TBC1D12: variants seen among roughly 807,000 people sequenced by gnomAD.
TBC1D12 encodes TBC1 domain family member 12.
In TBC1D12, 56 loss-of-function variants were observed where a neutral mutation model predicts 86.7. That is an observed-to-expected ratio of 0.65 (90% CI 0.52 to 0.81). TBC1D12 has a LOEUF of 0.81. Ranked by LOEUF, TBC1D12 falls within the 30% of genes least tolerant of loss-of-function variation. The pLI is 0.00. For missense variants in TBC1D12, 1,023 were observed against 1,038.8 expected, an observed-to-expected ratio of 0.98 and a Z score of 0.21; for synonymous variants, 421 against 411.7, an observed-to-expected ratio of 1.02 and a Z score of -0.27.
Position 94,442,010 on chromosome 10 carries a change from C to A in TBC1D12, c.1086C>A (p.Ile362=). Residue 362 remains isoleucine, a synonymous_variant, in exon 2 of 13, where the codon ATC becomes ATA. Transcript: ENST00000225235. The part of the protein sequence containing the change: ...PRENLQKTSK[I]IQQEYEARTG... Reference sequence around the variant, plus strand: ...AGAATCTTCAGAAAACATCCAAAATCATTCAGCAGGTAAGTACTGACATAG... The same window carrying A: ...AGAATCTTCAGAAAACATCCAAAATAATTCAGCAGGTAAGTACTGACATAG... 6.2e-7 allele frequency: 1 copy of A among 1,611,420 alleles called. No individual in the cohort carries two copies. The highest frequency in any genetic ancestry group is 1.1e-5 in the South Asian group (1 of 90,832).
intron 1 of TBC1D12, 30 bp from the exon 2 acceptor site, chr10:94,441,866 C>T (rs776896202): frequency 6.3e-7 from 1 of 1,596,896 alleles, no homozygotes; most frequent in South Asian, 1.1e-5. Flanking sequence ...TTACAAAAAA[C>T]ACAATTCATG....
chr10:94,409,639 G>T (rs759720258), intron 1 of TBC1D12, among the ~76,000 whole-genome samples: 3 of 152,078 alleles, frequency 2.0e-5, no homozygotes, highest in Non-Finnish European at 4.4e-5. Context: ...GCCTTTTAAA[G>T]TGCTAGGATT....
chr10:94,406,417 A>G (rs967494887), intron 1 of TBC1D12, among the ~76,000 whole-genome samples: 2 of 152,140 alleles, frequency 1.3e-5, no homozygotes, highest in African/African-American at 4.8e-5. Flanking sequence ...TTTATATGAC[A>G]TTCTTGGGAA....
In TBC1D12 at chr10:94,500,436, A is replaced by G. The variant is rs1159233878; in HGVS notation, c.1519+109A>G. The G allele has an allele frequency of 6.6e-6, 5 of 762,752 alleles. No homozygotes were observed. In the East Asian group the frequency reaches 1.5e-4, roughly 23 times the overall value. 47.2% of individuals were successfully genotyped at this position (762,752 alleles called of 1,614,324 possible). On this transcript the variant is annotated intron_variant, in intron 6 of 12. Transcript: ENST00000225235. ...AAATAAATGGCCTTTATCATATATAATGTCATTTTAAAAGCATGCTTCATC... is the reference window on the plus strand; with the variant it reads ...AAATAAATGGCCTTTATCATATATAGTGTCATTTTAAAAGCATGCTTCATC...
intron 1 of TBC1D12, among the ~76,000 whole-genome samples, chr10:94,438,658 T>C (rs541518809): frequency 1.3e-5 from 2 of 152,068 alleles, no homozygotes; most frequent in African/African-American, 2.4e-5. Context: ...GGGAAGGTAA[T>C]TGGTTTATGC....
chr10:94,523,043 C>CAAAAA (rs35912130), intron 11 of TBC1D12, among the ~76,000 whole-genome samples: 5 of 64,624 alleles, frequency 7.7e-5, no homozygotes, highest in Non-Finnish European at 1.4e-4. Flanking sequence ...GACTCCAGCT[C>CAAAAA]AAAAAAAAAA....
At chr10:94,457,955 C>A (rs2055653258) in intron 2 of TBC1D12, among the ~76,000 whole-genome samples, 1 of 152,102 alleles carries the variant, frequency 6.6e-6, no homozygotes. Context: ...TTCTGCCCAT[C>A]CCTTTTATTA....
chr10:94,500,594 T>C (rs1328823167), intron 6 of TBC1D12, among the ~76,000 whole-genome samples: 1 of 152,172 alleles, frequency 6.6e-6, no homozygotes, highest in East Asian at 1.9e-4. Flanking sequence ...CAAAAACTTC[T>C]GGGATTCTAC....
chr10:94,414,056 A>G (rs1269942134), intron 1 of TBC1D12, among the ~76,000 whole-genome samples: 1 of 152,100 alleles, frequency 6.6e-6, no homozygotes, highest in African/African-American at 2.4e-5. Context: ...ATACTATAAT[A>G]GTTTACTTTT....
chr10:94,444,015 C>CA (rs1231612517), intron 2 of TBC1D12, among the ~76,000 whole-genome samples: 1 of 151,800 alleles, frequency 6.6e-6, no homozygotes, highest in African/African-American at 2.4e-5. Context: ...ACCAAAAATA[C>CA]AAAAAATTAG....
intron 1 of TBC1D12, among the ~76,000 whole-genome samples, chr10:94,425,828 G>T (rs1223845898): frequency 6.6e-6 from 1 of 151,978 alleles, no homozygotes; most frequent in Non-Finnish European, 1.5e-5. Flanking sequence ...CCATTTATTT[G>T]GGTCATTTTT....
At chr10:94,418,105 T>C (rs2055024965) in intron 1 of TBC1D12, among the ~76,000 whole-genome samples, 1 of 152,146 alleles carries the variant, frequency 6.6e-6, no homozygotes, top group South Asian at 2.1e-4. Context: ...AGAGACCATG[T>C]TCTTGTTCAT....
intron 1 of TBC1D12, among the ~76,000 whole-genome samples, chr10:94,435,618 T>G (rs941459812): frequency 3.9e-5 from 6 of 152,244 alleles, no homozygotes; most frequent in Admixed American, 2.0e-4. Context: ...TTATGTGTGT[T>G]GGAATTTATC....
At chr10:94,483,618 C>T (rs948978300) in intron 3 of TBC1D12, among the ~76,000 whole-genome samples, 3 of 152,088 alleles carry the variant, frequency 2.0e-5, no homozygotes, top group African/African-American at 4.8e-5. Context: ...TTAGCTTTAT[C>T]CCTGTGGATA....
Position 94,434,181 on chromosome 10 carries a change from TA to T in TBC1D12, c.972-7712del, listed in dbSNP as rs572499874. Among the ~76,000 whole-genome samples the T allele has an allele frequency of 1.6e-3, 237 of 152,272 alleles. 1 individual carries two copies. The highest frequency in any genetic ancestry group is 2.7e-3 in the Non-Finnish European group (186 of 68,026). On this transcript the variant is annotated intron_variant, in intron 1 of 12. Coordinates refer to ENST00000225235, the MANE Select transcript of TBC1D12 (RefSeq NM_015188.2). ...TGCCCAATGCAGTGTAGGCAGAGGA[TA>T]AATTGATAGCTCCTCAGCTATGGAT...
chr10:94,463,483 A>G (rs1471337254), intron 2 of TBC1D12, among the ~76,000 whole-genome samples: 1 of 152,166 alleles, frequency 6.6e-6, no homozygotes, highest in Non-Finnish European at 1.5e-5. Flanking sequence ...TCATGATAAT[A>G]TGTTAATCCA....
intron 1 of TBC1D12, among the ~76,000 whole-genome samples, chr10:94,428,898 T>C (rs1406138366): frequency 1.3e-5 from 2 of 151,518 alleles, no homozygotes; most frequent in African/African-American, 4.9e-5. Flanking sequence ...AGAGACGGGG[T>C]TTCGCTATGT....
Position 94,534,830 on chromosome 10 carries a change from G to A in TBC1D12, c.*1734G>A, listed in dbSNP as rs571337379. 4 of 152,248 alleles carry A rather than the reference G, an allele frequency of 2.6e-5. No individual in the cohort carries two copies. Among genetic ancestry groups the A allele is most frequent in the Middle Eastern group, 3.4e-3 (1 of 294 alleles). 9.4% of individuals were successfully genotyped at this position (152,248 alleles called of 1,614,324 possible). A position where few individuals can be genotyped will look rare whatever the true frequency, so the allele number is the denominator to read the frequency against. On this transcript the variant is annotated 3_prime_UTR_variant, in exon 13 of 13. Transcript: ENST00000225235. ...GGATCCAGGTCAGATGAAGGAGGTG[G>A]TATGCCTGGCTTAACTGCTGAAAAT...
chr10:94,469,792 A>G (rs1304436606), intron 2 of TBC1D12, among the ~76,000 whole-genome samples: 1 of 152,118 alleles, frequency 6.6e-6, no homozygotes, highest in African/African-American at 2.4e-5. Flanking sequence ...CTACTACTGT[A>G]TCCCCAAAAT....
Sources: gnomAD v4.1 joint callset for allele counts (sites outside exome capture counted in the v4.1 genomes callset) on GRCh38, gnomAD v4.1.1 for gene constraint, MANE v1.5 for transcripts, NCBI Gene and HGNC (gene_info 2026-07-23, HGNC 2026-07-21) for gene names.